The following JAM3 variants were observed in gnomAD, a reference collection of about 807,000 sequenced individuals.
JAM3 encodes junctional adhesion molecule 3.
In JAM3, 31 loss-of-function variants were observed where a neutral mutation model predicts 39.4. That is an observed-to-expected ratio of 0.79 (90% confidence interval 0.59 to 1.06). JAM3 has a LOEUF of 1.06. Ranked by LOEUF, JAM3 falls within the 50% of genes least tolerant of loss-of-function variation. The pLI is 0.00. For synonymous variants in JAM3, 182 were observed against 148.7 expected (o/e 1.22, Z -1.63); for missense variants, 455 against 391.4 (o/e 1.16, Z -1.37).
intron 8 of JAM3, 139 bp from the exon 9 acceptor site, chr11:134,149,007 G>C: frequency 2.8e-6 from 3 of 1,059,792 alleles, no homozygotes; most frequent in Non-Finnish European, 4.4e-6. Context: ...AATGGGATTT[G>C]TGCTTTGCAA....
In JAM3 at chr11:134,093,511, G is replaced by A. The variant is rs551888052; in HGVS notation, c.76+24352G>A. 1.6e-4 allele frequency among the ~76,000 whole-genome samples: 20 copies of A among 128,910 alleles called. 3 individuals are homozygous for A. In the South Asian group the frequency reaches 5.0e-3, roughly 32 times the overall value. 84.6% of individuals were successfully genotyped at this position (128,910 alleles called of 152,430 possible). ...TCCATCTTACATGTCACTCCCTGAG[G>A]GAAGCTTCTCCTGAGCCCTCCTTAT... On this transcript the variant is annotated intron_variant, in intron 1 of 8. Coordinates refer to ENST00000299106, the MANE Select transcript of JAM3 (RefSeq NM_032801.5).
intron 1 of JAM3, among the ~76,000 whole-genome samples, chr11:134,110,192 C>G (rs1393309709): frequency 1.3e-5 from 2 of 152,050 alleles, no homozygotes; most frequent in Non-Finnish European, 2.9e-5. Context: ...GTATCAAAAA[C>G]AAGATTTCCC....
intron 1 of JAM3, among the ~76,000 whole-genome samples, chr11:134,130,411 T>C (rs1942747257): frequency 6.6e-6 from 1 of 152,110 alleles, no homozygotes; most frequent in Non-Finnish European, 1.5e-5. Context: ...GTATTATGGT[T>C]GGGAATCAGA....
intron 1 of JAM3, among the ~76,000 whole-genome samples, chr11:134,093,867 G>A (rs1591777753): frequency 1.0e-5 from 1 of 98,816 alleles, no homozygotes. Context: ...CCTGAGGGAA[G>A]CTTCTCCTGA....
chr11:134,094,273 A>C (rs1263244903), intron 1 of JAM3, among the ~76,000 whole-genome samples: 2 of 133,872 alleles, frequency 1.5e-5, no homozygotes, highest in African/African-American at 5.7e-5. Context: ...CTTAAACGTC[A>C]CTTCCTGAGG....
chr11:134,137,615 C>A (rs990025374), intron 1 of JAM3, among the ~76,000 whole-genome samples: 2 of 152,026 alleles, frequency 1.3e-5, no homozygotes, highest in Non-Finnish European at 2.9e-5. Context: ...GGTGCTCATA[C>A]TGAGAGAAAT....
chr11:134,149,511 T>C lies in JAM3; in HGVS notation c.*330T>C, dbSNP rs1274703892. The stretch of plus-strand genomic sequence containing the variant: ...AGTTTGCTCACGTAAACGCCCGTGC[T>C]GGGCCCTGTGAAGCCAGCATGTTCA... On this transcript the variant is annotated 3_prime_UTR_variant, in exon 9 of 9. Coordinates refer to ENST00000299106, the MANE Select transcript of JAM3 (RefSeq NM_032801.5). 2 of 513,378 alleles carry C rather than the reference T, an allele frequency of 3.9e-6. No individual in the cohort carries two copies. The highest frequency in any genetic ancestry group is 7.4e-6 in the Non-Finnish European group (2 of 268,942). The allele number at this position is 513,378 out of a possible 1,614,324, so 31.8% of individuals were successfully genotyped here.
intron 1 of JAM3, among the ~76,000 whole-genome samples, chr11:134,106,885 G>T (rs1424743872): frequency 6.6e-6 from 1 of 152,182 alleles, no homozygotes; most frequent in Non-Finnish European, 1.5e-5. Context: ...CTGTTGGTGG[G>T]ACTGTAAACT....
At chr11:134,125,360 T>A (rs1036680758) in intron 1 of JAM3, among the ~76,000 whole-genome samples, 5 of 152,252 alleles carry the variant, frequency 3.3e-5, no homozygotes, top group Non-Finnish European at 7.3e-5. Flanking sequence ...AGATAGGGTT[T>A]TACTCAAACA....
At chr11:134,139,492 G>A (rs951108680) in intron 1 of JAM3, 2 of 328,696 alleles carry the variant, frequency 6.1e-6, no homozygotes, top group Admixed American at 4.2e-5. Flanking sequence ...TGGGGAAGAG[G>A]GGAAGATGGA....
Position 134,140,710 on chromosome 11 carries a change from G to A in JAM3, c.196G>A (p.Glu66Lys), listed in dbSNP as rs1278473330. 6.2e-6 allele frequency: 10 copies of A among 1,613,494 alleles called. No homozygotes were observed. Among genetic ancestry groups the A allele is most frequent in the Non-Finnish European group, 8.5e-6 (10 of 1,179,844 alleles). Residue 66 changes from glutamate to lysine, a missense_variant, in exon 3 of 9, where the codon GAG becomes AAG. Coordinates refer to ENST00000299106, the MANE Select transcript of JAM3 (RefSeq NM_032801.5). ...TDSQTSDPRI[E>K]WKKIQDEQTT... ...TTCGCAGACAAGTGACCCCAGGATC[G>A]AGTGGAAGAAAATTCAAGATGAACA... is the stretch of plus-strand genomic sequence containing the variant.
intron 1 of JAM3, among the ~76,000 whole-genome samples, chr11:134,091,516 A>G (rs559475724): frequency 1.2e-4 from 16 of 137,080 alleles, no homozygotes; most frequent in Admixed American, 2.9e-4. Context: ...ATAGATAGAT[A>G]GATGGATAGA....
intron 1 of JAM3, among the ~76,000 whole-genome samples, chr11:134,117,530 G>A (rs771486050): frequency 5.3e-5 from 8 of 152,208 alleles, no homozygotes; most frequent in Non-Finnish European, 8.8e-5. Context: ...GAATTCAACT[G>A]TTTTGTAAAT....
Position 134,103,595 on chromosome 11 carries a change from A to C in JAM3, c.76+34436A>C, listed in dbSNP as rs183410405. 1.3e-5 allele frequency among the ~76,000 whole-genome samples: 2 copies of C among 152,336 alleles called. 1 individual carries two copies. The highest frequency in any genetic ancestry group is 4.8e-5 in the African/African-American group (2 of 41,576). ...ATTGGATAAAGAGTCAAGACCCATC[A>C]GTGTGCTGTATTCAGGAGACCCATA... On this transcript the variant is annotated intron_variant, in intron 1 of 8. Coordinates refer to ENST00000299106, the MANE Select transcript of JAM3 (RefSeq NM_032801.5).
intron 1 of JAM3, among the ~76,000 whole-genome samples, chr11:134,069,812 G>A (rs1280688509): frequency 3.3e-5 from 5 of 152,234 alleles, no homozygotes; most frequent in Admixed American, 3.3e-4. Flanking sequence ...GCCCTCTGGG[G>A]ATCTGCAGTT....
rs767538532 is a variant in JAM3 at position 134,148,766 on chromosome 11, A to G, written c.845A>G (p.Tyr282Cys). Residue 282 changes from tyrosine to cysteine, a missense_variant and splice_region_variant, in exon 8 of 9, where the codon TAC becomes TGC. Coordinates refer to ENST00000299106, the MANE Select transcript of JAM3 (RefSeq NM_032801.5). ...FINNKQDGESYKNPGKPDGVN... is the reference protein window; with the variant it reads ...FINNKQDGESCKNPGKPDGVN... ...AAACTGCTCTCTTCTCCTCATAGTT[A>G]CAAGAACCCAGGGAAACCAGATGGA... 2.0e-5 allele frequency: 33 copies of G among 1,614,072 alleles called. No homozygotes were observed. The East Asian group carries it at 6.2e-4, about 31-fold the overall frequency.
chr11:134,090,807 G>T (rs1941834264), intron 1 of JAM3, among the ~76,000 whole-genome samples: 1 of 151,580 alleles, frequency 6.6e-6, no homozygotes, highest in Non-Finnish European at 1.5e-5. Context: ...AAAATCTATT[G>T]AAATATTTGA....
chr11:134,115,747 A>T (rs1942416782), intron 1 of JAM3, among the ~76,000 whole-genome samples: 1 of 151,912 alleles, frequency 6.6e-6, no homozygotes, highest in South Asian at 2.1e-4. Context: ...AAAAAAAAAA[A>T]TTAGCAAGGC....
At chr11:134,109,803 ATACTT>A (rs969245683) in intron 1 of JAM3, among the ~76,000 whole-genome samples, 5 of 152,260 alleles carry the variant, frequency 3.3e-5, no homozygotes, top group African/African-American at 9.6e-5. Flanking sequence ...CAGTAAATAA[ATACTT>A]TACATAAGAT....
Sources: gnomAD v4.1 joint callset for allele counts (sites outside exome capture counted in the v4.1 genomes callset) on GRCh38, gnomAD v4.1.1 for gene constraint, MANE v1.5 for transcripts, NCBI Gene and HGNC (gene_info 2026-07-23, HGNC 2026-07-21) for gene names.